Variants in LRRC4B observed in about 807,000 individuals in gnomAD.
The protein encoded by LRRC4B is leucine-rich repeat-containing protein 4B.
In LRRC4B, 1 loss-of-function variant was observed where a neutral mutation model predicts 7.3. The ratio of observed to expected loss-of-function variants is 0.14; its 90% CI spans 0.05 to 0.65. LRRC4B has a LOEUF of 0.65. LRRC4B is among the 30% of genes least tolerant of loss of function. LRRC4B has a pLI of 0.84. For synonymous variants in LRRC4B, 500 were observed against 499.2 expected, an observed-to-expected ratio of 1.00 and a Z score of -0.02; for missense variants, 730 against 1,041.6, an observed-to-expected ratio of 0.70 and a Z score of 4.12.
At chr19:50,554,557 A>G (rs1356463414) in intron 1 of LRRC4B, among the ~76,000 whole-genome samples, 1 of 152,192 alleles carries the variant, frequency 6.6e-6, no homozygotes, top group African/African-American at 2.4e-5. Flanking sequence ...AGTTGTCCCC[A>G]GATAGAGCCC....
intron 2 of LRRC4B, among the ~76,000 whole-genome samples, chr19:50,546,831 G>A (rs572692568): frequency 1.4e-4 from 21 of 152,300 alleles, no homozygotes; most frequent in Admixed American, 9.8e-4. Context: ...GTGCCTCCCT[G>A]TCCCACGCTC....
In LRRC4B at chr19:50,556,047, A is replaced by T. The variant is rs1285368669; in HGVS notation, c.-35-7174T>A. Among the ~76,000 whole-genome samples, 2 of 152,118 alleles carry T rather than the reference A, an allele frequency of 1.3e-5. No individual in the cohort carries two copies. The highest frequency in any genetic ancestry group is 6.5e-5 in the Admixed American group (1 of 15,288). On this transcript the variant is annotated intron_variant, in intron 1 of 2. Coordinates refer to ENST00000652263, the MANE Select transcript of LRRC4B (RefSeq NM_001080457.2). This position sits in a 1 kb window ranked among gnomAD's most constrained non-coding sequence, Gnocchi z 4.2. ...CGTTCTGAGCCAATCCATGTCCTGA[A>T]TGCTTTCAAAATAAAAGCAGCCCCA... is the stretch of plus-strand genomic sequence containing the variant.
chr19:50,558,373 C>T (rs1384612105), intron 1 of LRRC4B, among the ~76,000 whole-genome samples: 6 of 152,152 alleles, frequency 3.9e-5, no homozygotes, highest in African/African-American at 7.2e-5. Flanking sequence ...CGACTACAGG[C>T]GTGGACCACT....
At position 50,517,684 on chromosome 19, in the gene LRRC4B, T is replaced by G. The variant is rs773306139; in HGVS notation, c.2029A>C (p.Asn677His). The G allele has an allele frequency of 6.5e-7, 1 of 1,544,822 alleles. No individual in the cohort carries two copies. Among genetic ancestry groups the G allele is most frequent in the Non-Finnish European group, 8.7e-7 (1 of 1,148,476 alleles). ...CCCCCGCAGCCCCCGCCGCTGGGGT[T>G]GCTGCTGTAGTGCGCCTTGAAGGCG... ...AAAFKAHYSS[N>H]PSGGGCGGKG... Residue 677 changes from asparagine to histidine, a missense_variant, in exon 3 of 3, where the codon AAC becomes CAC. By Grantham distance (68) the Asn-to-His change is moderately conservative (BLOSUM62 1). This residue lies in a region of LRRC4B where 160 missense variants were observed against 163.9 expected (regional missense o/e 0.98). Coordinates refer to ENST00000652263, the MANE Select transcript of LRRC4B (RefSeq NM_001080457.2). This position sits in a 1 kb window ranked among gnomAD's most constrained non-coding sequence, Gnocchi z 6.6.
chr19:50,520,203 C>CAAAAAAAAAAAAAAAAAAA (rs1173919963), intron 2 of LRRC4B, among the ~76,000 whole-genome samples: 2 of 9,376 alleles, frequency 2.1e-4, no homozygotes, highest in Non-Finnish European at 3.8e-4. Flanking sequence ...AATACCCTGT[C>CAAAAAAAAAAAAAAAAAAA]AAAAAAAAAA....
intron 2 of LRRC4B, among the ~76,000 whole-genome samples, chr19:50,535,047 T>A (rs998292791): frequency 5.3e-5 from 8 of 151,802 alleles, no homozygotes; most frequent in East Asian, 1.9e-4. Context: ...TGTTTGTATT[T>A]TTAGTAGAGA....
Position 50,531,178 on chromosome 19 carries a change from T to TGCG in LRRC4B, c.298-11766_298-11764dup, listed in dbSNP as rs544912506. Among the ~76,000 whole-genome samples the TGCG allele has an allele frequency of 3.1e-3, 475 of 152,318 alleles. 2 individuals carry two copies. The highest frequency in any genetic ancestry group is 0.011 in the African/African-American group (458 of 41,568). On this transcript the variant is annotated intron_variant, in intron 2 of 2. Transcript: ENST00000652263. ...TCCTGCCTGCAGCTCCCGGAGCCTCTGCGGCACCCCAGGCTCCTGCTGACT... is the reference window on the plus strand; with the variant it reads ...TCCTGCCTGCAGCTCCCGGAGCCTCTGCGGCGGCACCCCAGGCTCCTGCTGACT...
Position 50,518,024 on chromosome 19 carries a change from G to A in LRRC4B, c.1689C>T (p.Asn563=). The A allele has an allele frequency of 6.4e-7, 1 of 1,552,222 alleles. No individual in the cohort carries two copies. Among genetic ancestry groups the A allele is most frequent in the South Asian group, 1.2e-5 (1 of 81,350 alleles). Residue 563 remains asparagine (N), a synonymous_variant, in exon 3 of 3, where the codon AAC becomes AAT. Coordinates refer to ENST00000652263, the MANE Select transcript of LRRC4B (RefSeq NM_001080457.2). ...TGACGTCGTCCAGGTCCTTGAGGGCGTTCTCCGTCACATCCGTGATGGGCA... is the reference window on the plus strand; with the variant it reads ...TGACGTCGTCCAGGTCCTTGAGGGCATTCTCCGTCACATCCGTGATGGGCA... ...FTVPITDVTE[N]ALKDLDDVMK... is the part of the protein sequence containing the mutation.
chr19:50,534,554 C>G (rs1981182231), intron 2 of LRRC4B, among the ~76,000 whole-genome samples: 1 of 152,158 alleles, frequency 6.6e-6, no homozygotes, highest in Admixed American at 6.5e-5. Context: ...ATCTGCTGAG[C>G]CCACCTCCAC....
At chr19:50,535,619 C>T (rs1170078213) in intron 2 of LRRC4B, among the ~76,000 whole-genome samples, 2 of 152,184 alleles carry the variant, frequency 1.3e-5, no homozygotes, top group Admixed American at 1.3e-4. Flanking sequence ...TCTCATATTT[C>T]TTGCTTGTCC....
At chr19:50,529,879 C>T (rs1260227801) in intron 2 of LRRC4B, among the ~76,000 whole-genome samples, 1 of 152,152 alleles carries the variant, frequency 6.6e-6, no homozygotes, top group Non-Finnish European at 1.5e-5. Flanking sequence ...AACTTTCCCC[C>T]TCTCTGGGTT....
intron 2 of LRRC4B, among the ~76,000 whole-genome samples, chr19:50,526,669 C>T (rs367586590): frequency 3.3e-5 from 5 of 151,994 alleles, no homozygotes; most frequent in South Asian, 2.1e-4. Flanking sequence ...AAGGTGAAAC[C>T]GTGTTTCTAA....
rs1981331932 is a variant in LRRC4B at position 50,537,231 on chromosome 19, C to A, written c.297+11311G>T. The stretch of plus-strand genomic sequence containing the variant: ...GGCCGAGTCCCAGCTCCGTTACTAA[C>A]CATGGGACCAGGACCGTTTGCAAGT... On this transcript the variant is annotated intron_variant, in intron 2 of 2. Coordinates refer to ENST00000652263, the MANE Select transcript of LRRC4B (RefSeq NM_001080457.2). This position sits in a 1 kb window ranked among gnomAD's most constrained non-coding sequence, Gnocchi z 5.5. Among the ~76,000 whole-genome samples, 1 of 152,196 alleles carries A rather than the reference C, an allele frequency of 6.6e-6. No homozygotes were observed. The highest frequency in any genetic ancestry group is 2.4e-5 in the African/African-American group (1 of 41,456).
In LRRC4B at chr19:50,548,248, C is replaced by T. The variant is rs376190771; in HGVS notation, c.297+294G>A. Among the ~76,000 whole-genome samples, 394 of 152,306 alleles carry T rather than the reference C, an allele frequency of 2.6e-3. 2 individuals carry two copies. The highest frequency in any genetic ancestry group is 9.0e-3 in the African/African-American group (374 of 41,576). On this transcript the variant is annotated intron_variant, in intron 2 of 2. Coordinates refer to ENST00000652263, the MANE Select transcript of LRRC4B (RefSeq NM_001080457.2). This position sits in a 1 kb window ranked among gnomAD's most constrained non-coding sequence, Gnocchi z 6.8. ...TCCACACCCCAGGGACTCCAGGGCT[C>T]GGCCTAGGCCGACCCGCCTGTCCTG...
chr19:50,529,212 GAGCC>G (rs1980946930), intron 2 of LRRC4B, among the ~76,000 whole-genome samples: 2 of 152,042 alleles, frequency 1.3e-5, no homozygotes, highest in African/African-American at 4.8e-5. Context: ...AATGCGTTAG[GAGCC>G]TGCACACTCC....
In LRRC4B at chr19:50,537,328, C is replaced by T. The variant is rs537279901; in HGVS notation, c.297+11214G>A. On this transcript the variant is annotated intron_variant, in intron 2 of 2. Transcript: ENST00000652263. This position sits in a 1 kb window ranked among gnomAD's most constrained non-coding sequence, Gnocchi z 5.5. ...GAATAGGACCTACTCAGGGGGCTGTCGTGAGGCTGAAATTCACTGACCCTG... is the reference window on the plus strand; with the variant it reads ...GAATAGGACCTACTCAGGGGGCTGTTGTGAGGCTGAAATTCACTGACCCTG... Among the ~76,000 whole-genome samples the T allele has an allele frequency of 3.9e-5, 6 of 152,280 alleles. No homozygotes were observed. In the East Asian group the frequency reaches 9.6e-4, roughly 24 times the overall value.
chr19:50,552,667 T>TCCAC (rs1982130322), intron 1 of LRRC4B, among the ~76,000 whole-genome samples: 1 of 133,822 alleles, frequency 7.5e-6, no homozygotes, highest in Admixed American at 7.7e-5. Flanking sequence ...CATCCATCCA[T>TCCAC]CCATCCATCC....
chr19:50,553,659 T>G lies in LRRC4B; in HGVS notation c.-35-4786A>C, dbSNP rs1982176117. Reference sequence around the variant, plus strand: ...TCTGTTTCCTTTTTCTCCATGACATTTATCAGCATCTGAGCTTTTATATGG... The same window carrying G: ...TCTGTTTCCTTTTTCTCCATGACATGTATCAGCATCTGAGCTTTTATATGG... On this transcript the variant is annotated intron_variant, in intron 1 of 2. Transcript: ENST00000652263. The surrounding 1 kb of genome is among the most constrained non-coding windows in gnomAD (Gnocchi z 4.2). Among the ~76,000 whole-genome samples the G allele has an allele frequency of 6.6e-6, 1 of 152,184 alleles. No individual in the cohort carries two copies. The highest frequency in any genetic ancestry group is 2.4e-5 in the African/African-American group (1 of 41,448).
At position 50,537,708 on chromosome 19, in the gene LRRC4B, T is replaced by A. The variant is rs1282156771; in HGVS notation, c.297+10834A>T. Among the ~76,000 whole-genome samples the A allele has an allele frequency of 3.3e-5, 5 of 152,094 alleles. No individual in the cohort carries two copies. In the South Asian group the frequency reaches 1.0e-3, roughly 32 times the overall value. On this transcript the variant is annotated intron_variant, in intron 2 of 2. Transcript: ENST00000652263. This position sits in a 1 kb window ranked among gnomAD's most constrained non-coding sequence, Gnocchi z 5.5. ...TTTTCTGTAAGTGTGCTGTGAGTCA[T>A]CATGAGAAAAAGTTAAGAAGAAACT... is the stretch of plus-strand genomic sequence containing the variant.
Sources: allele counts gnomAD v4.1 joint callset (sites outside exome capture counted in the v4.1 genomes callset), GRCh38; gene constraint gnomAD v4.1.1; regional missense constraint gnomAD v4.1.1; non-coding constraint Gnocchi (gnomAD v3.1); transcripts MANE v1.5; gene names NCBI Gene and HGNC (gene_info 2026-07-23, HGNC 2026-07-21).